SCFD2: variants seen among roughly 807,000 people sequenced by gnomAD.
The protein encoded by SCFD2 is sec1 family domain-containing protein 2.
SCFD2 carries 54 observed loss-of-function variants against 58.9 expected under a neutral mutation model. The ratio of observed to expected loss-of-function variants is 0.92; its 90% CI spans 0.74 to 1.15. The LOEUF (loss-of-function observed/expected upper bound fraction) is 1.15, where lower values mean the gene tolerates loss of function less well. Ranked by LOEUF, SCFD2 falls within the 50% of genes most tolerant of loss-of-function variation. SCFD2 has a pLI of 0.00. For missense variants in SCFD2, 805 were observed against 836.6 expected (o/e 0.96, Z 0.47); for synonymous variants, 321 against 335.9 (o/e 0.96, Z 0.49).
At chr4:53,065,488 C>T (rs1015925787) in intron 5 of SCFD2, among the ~76,000 whole-genome samples, 3 of 151,902 alleles carry the variant, frequency 2.0e-5, no homozygotes, top group East Asian at 1.9e-4. Flanking sequence ...CATAGCAAAC[C>T]GCCAGTAACA....
intron 5 of SCFD2, chr4:52,949,653 C>T (rs1720535540): frequency 6.6e-6 from 1 of 152,266 alleles, no homozygotes; most frequent in South Asian, 2.1e-4. Context: ...CCGCTCTCAG[C>T]ACTGCAGTCT....
chr4:52,922,663 C>T (rs1719768747), intron 5 of SCFD2, among the ~76,000 whole-genome samples: 1 of 152,122 alleles, frequency 6.6e-6, no homozygotes. Flanking sequence ...AGTAATGCTG[C>T]TAGTTTTACA....
At chr4:52,928,556 G>A (rs564200370) in intron 5 of SCFD2, among the ~76,000 whole-genome samples, 20 of 152,258 alleles carry the variant, frequency 1.3e-4, no homozygotes, top group South Asian at 1.2e-3. Flanking sequence ...AGGCATGCAC[G>A]AAGTGGGGAC....
intron 3 of SCFD2, among the ~76,000 whole-genome samples, chr4:53,285,395 C>T (rs1213158782): frequency 6.6e-6 from 1 of 151,936 alleles, no homozygotes; most frequent in Non-Finnish European, 1.5e-5. Flanking sequence ...TTAAGGGTGC[C>T]TCTAAATAAA....
At chr4:53,310,596 T>C (rs17082581) in intron 3 of SCFD2, among the ~76,000 whole-genome samples, 11,132 of 152,266 alleles carry the variant, frequency 0.073, 620 homozygotes, top group East Asian at 0.22. Flanking sequence ...CATTTCAGTG[T>C]TTTCAAAGTC....
At chr4:52,898,978 CTTTT>C (rs553705820) in intron 7 of SCFD2, among the ~76,000 whole-genome samples, 216 of 152,176 alleles carry the variant, frequency 1.4e-3, no homozygotes, top group African/African-American at 4.9e-3. Flanking sequence ...CAACCCTTGC[CTTTT>C]TTTGTTTTCC....
At chr4:52,935,617 C>T (rs1179953643) in intron 5 of SCFD2, among the ~76,000 whole-genome samples, 2 of 152,192 alleles carry the variant, frequency 1.3e-5, no homozygotes, top group South Asian at 2.1e-4. Flanking sequence ...GCATGGGGAT[C>T]CACCATTGTG....
chr4:53,000,476 T>A (rs1008608332), intron 5 of SCFD2, among the ~76,000 whole-genome samples: 1 of 152,170 alleles, frequency 6.6e-6, no homozygotes, highest in Non-Finnish European at 1.5e-5. Context: ...GTTTATACTA[T>A]CTGTGTGGCT....
At chr4:53,235,812 C>T (rs1042928624) in intron 4 of SCFD2, among the ~76,000 whole-genome samples, 11 of 152,058 alleles carry the variant, frequency 7.2e-5, no homozygotes, top group African/African-American at 2.4e-4. Flanking sequence ...TGCATACATA[C>T]GTGTGTGCAT....
At chr4:53,238,675 C>A (rs916134796) in intron 4 of SCFD2, among the ~76,000 whole-genome samples, 4 of 151,852 alleles carry the variant, frequency 2.6e-5, no homozygotes, top group African/African-American at 7.3e-5. Context: ...CTCCTCACCT[C>A]CCAGACGGGG....
chr4:53,078,599 C>T (rs997303790), intron 5 of SCFD2, among the ~76,000 whole-genome samples: 4 of 152,094 alleles, frequency 2.6e-5, no homozygotes, highest in African/African-American at 9.7e-5. Context: ...CTAAGTGGTT[C>T]AAATATATAA....
chr4:53,267,728 G>A (rs1191361197), intron 4 of SCFD2, among the ~76,000 whole-genome samples: 1 of 152,070 alleles, frequency 6.6e-6, no homozygotes, highest in East Asian at 1.9e-4. Flanking sequence ...CTACAGATGT[G>A]TATCACCATG....
rs149148865 is a variant in SCFD2 at position 53,261,494 on chromosome 4, G to A, written c.1311+12332C>T. On this transcript the variant is annotated intron_variant, in intron 4 of 8. Coordinates refer to ENST00000401642, the MANE Select transcript of SCFD2 (RefSeq NM_152540.4). ...CATTGTTGACCCAAAGATTATTCAG[G>A]AGCAGGTTATTTAATTTCCATGTAC... Among the ~76,000 whole-genome samples the A allele has an allele frequency of 6.0e-3, 909 of 152,228 alleles. 11 individuals carry two copies. The highest frequency in any genetic ancestry group is 7.9e-3 in the Non-Finnish European group (536 of 67,996).
chr4:53,226,362 C>T (rs74283277), intron 4 of SCFD2, among the ~76,000 whole-genome samples: 10,864 of 151,944 alleles, frequency 0.071, 608 homozygotes, highest in East Asian at 0.22. Flanking sequence ...AAAAAGACTA[C>T]TAGAAAATAC....
chr4:53,157,494 T>G (rs1726726694), intron 4 of SCFD2, among the ~76,000 whole-genome samples: 1 of 152,174 alleles, frequency 6.6e-6, no homozygotes, highest in South Asian at 2.1e-4. Flanking sequence ...TTTTCATATT[T>G]TTCAACCAAA....
At chr4:53,010,157 G>T (rs1251005399) in intron 5 of SCFD2, among the ~76,000 whole-genome samples, 1 of 152,136 alleles carries the variant, frequency 6.6e-6, no homozygotes, top group Non-Finnish European at 1.5e-5. Flanking sequence ...TGATATTTTA[G>T]AAGTTTCTTC....
chr4:52,898,849 C>T (rs1211445558), intron 7 of SCFD2, among the ~76,000 whole-genome samples: 3 of 152,280 alleles, frequency 2.0e-5, no homozygotes, highest in Middle Eastern at 3.4e-3. Context: ...GTATTGGGTG[C>T]ATATATATTT....
chr4:53,233,588 T>G (rs1360746671), intron 4 of SCFD2, among the ~76,000 whole-genome samples: 2 of 152,220 alleles, frequency 1.3e-5, no homozygotes, highest in East Asian at 3.8e-4. Context: ...AGCACTGGTT[T>G]ACATAGCCTA....
At chr4:53,304,038 C>T (rs1369894570) in intron 3 of SCFD2, among the ~76,000 whole-genome samples, 2 of 151,092 alleles carry the variant, frequency 1.3e-5, no homozygotes, top group Non-Finnish European at 2.9e-5. Flanking sequence ...ACCAACTTGG[C>T]ACATGTATAT....
Sources: gnomAD v4.1 joint callset for allele counts (sites outside exome capture counted in the v4.1 genomes callset) on GRCh38, gnomAD v4.1.1 for gene constraint, MANE v1.5 for transcripts, NCBI Gene and HGNC (gene_info 2026-07-23, HGNC 2026-07-21) for gene names.